Variants in CDIN1 observed in about 807,000 individuals in gnomAD.
CDIN1 encodes CDAN1-interacting nuclease 1.
A neutral mutation model predicts 45.3 loss-of-function variants in CDIN1; 33 were observed. That is an observed-to-expected ratio of 0.73 (90% CI 0.55 to 0.97). The LOEUF is 0.97. Ranked by LOEUF, CDIN1 falls within the 50% of genes least tolerant of loss-of-function variation. The pLI is 0.00. For synonymous variants in CDIN1, 118 were observed against 124.4 expected (o/e 0.95, Z 0.34); for missense variants, 303 against 339.4 (o/e 0.89, Z 0.84).
At chr15:36,588,133 G>C (rs956230959) in intron 1 of CDIN1, among the ~76,000 whole-genome samples, 2 of 152,318 alleles carry the variant, frequency 1.3e-5, no homozygotes, top group African/African-American at 4.8e-5. Flanking sequence ...ATATGGAACA[G>C]TTGGTTGTAT....
At chr15:36,646,469 T>G (rs538874049) in intron 3 of CDIN1, among the ~76,000 whole-genome samples, 3 of 149,032 alleles carry the variant, frequency 2.0e-5, no homozygotes, top group African/African-American at 7.4e-5. Context: ...CTAGGAGAGA[T>G]CCTCTCTAAA....
At chr15:36,783,497 C>A (rs959523338) in intron 10 of CDIN1, among the ~76,000 whole-genome samples, 1 of 152,060 alleles carries the variant, frequency 6.6e-6, no homozygotes, top group African/African-American at 2.4e-5. Context: ...CTTATTGATA[C>A]CTTTCGCCCA....
intron 10 of CDIN1, among the ~76,000 whole-genome samples, chr15:36,757,556 G>C (rs2053640246): frequency 6.6e-6 from 1 of 152,128 alleles, no homozygotes; most frequent in Non-Finnish European, 1.5e-5. Flanking sequence ...GTTTTAAGTT[G>C]AGCACCGTTC....
At chr15:36,653,628 C>T (rs960730461) in intron 3 of CDIN1, among the ~76,000 whole-genome samples, 2 of 152,076 alleles carry the variant, frequency 1.3e-5, no homozygotes, top group African/African-American at 4.8e-5. Context: ...CACAGGTGTG[C>T]TGACCCACTG....
chr15:36,770,444 T>TGATG (rs1566962390), intron 10 of CDIN1, among the ~76,000 whole-genome samples: 9 of 145,966 alleles, frequency 6.2e-5, no homozygotes, highest in African/African-American at 2.2e-4. Flanking sequence ...TGATGATGAT[T>TGATG]ATTATTATTA....
chr15:36,645,494 TTG>T lies in CDIN1; in HGVS notation c.212+244_212+245del, dbSNP rs57349735. On this transcript the variant is annotated intron_variant, in intron 3 of 10. Coordinates refer to ENST00000566621, the MANE Select transcript of CDIN1 (RefSeq NM_001321759.2). Reference sequence around the variant, plus strand: ...AAGAGTATGGTAAGGCTGTCTTGACTTGTGTGTGTGTGTGTGTGTGTGTGTGT... The same window carrying T: ...AAGAGTATGGTAAGGCTGTCTTGACTTGTGTGTGTGTGTGTGTGTGTGTGT... 0.27 allele frequency among the ~76,000 whole-genome samples: 38,098 copies of T among 143,212 alleles called. 4,910 individuals carry two copies. Among genetic ancestry groups the T allele is most frequent in the Admixed American group, 0.34 (4,818 of 14,252 alleles). 94.0% of individuals were successfully genotyped at this position (143,212 alleles called of 152,430 possible).
At chr15:36,724,019 C>T (rs1053429970) in intron 10 of CDIN1, among the ~76,000 whole-genome samples, 1 of 152,194 alleles carries the variant, frequency 6.6e-6, no homozygotes, top group Non-Finnish European at 1.5e-5. Flanking sequence ...CTCTAATCCA[C>T]ATAACAGTCC....
intron 1 of CDIN1, among the ~76,000 whole-genome samples, chr15:36,631,322 A>G (rs982225247): frequency 2.6e-4 from 40 of 152,174 alleles, no homozygotes; most frequent in African/African-American, 9.7e-4. Flanking sequence ...GGTTTTTAGT[A>G]TATTCACGAA....
chr15:36,690,880 T>A (rs534202939), intron 5 of CDIN1, among the ~76,000 whole-genome samples: 42 of 152,276 alleles, frequency 2.8e-4, no homozygotes, highest in African/African-American at 8.4e-4. Context: ...GGCTGCCACA[T>A]GCCTAGTGAG....
intron 1 of CDIN1, among the ~76,000 whole-genome samples, chr15:36,639,802 A>G (rs777654585): frequency 6.6e-6 from 1 of 152,268 alleles, no homozygotes; most frequent in Middle Eastern, 3.4e-3. Context: ...CAGTCCCCCC[A>G]ACAGATACTG....
chr15:36,754,088 A>T (rs571423866), intron 10 of CDIN1, among the ~76,000 whole-genome samples: 1 of 152,290 alleles, frequency 6.6e-6, no homozygotes, highest in East Asian at 1.9e-4. Context: ...GCCGTTTTGT[A>T]CAGACTTATG....
At chr15:36,619,323 T>G (rs1197729627) in intron 1 of CDIN1, 2 of 671,582 alleles carry the variant, frequency 3.0e-6, no homozygotes, top group Non-Finnish European at 4.5e-6. Context: ...ACTTGAGCTG[T>G]AGCTATATTG....
intron 1 of CDIN1, among the ~76,000 whole-genome samples, chr15:36,616,893 C>G (rs2038919751): frequency 6.6e-6 from 1 of 151,736 alleles, no homozygotes; most frequent in South Asian, 2.1e-4. Context: ...CTACTGCACT[C>G]CAGCTTGGGT....
chr15:36,703,784 C>T (rs1278267485), intron 8 of CDIN1, among the ~76,000 whole-genome samples: 2 of 152,076 alleles, frequency 1.3e-5, no homozygotes, highest in African/African-American at 4.8e-5. Flanking sequence ...ATGCCTCTCT[C>T]CATTGAGATT....
At chr15:36,645,960 A>G (rs2040310315) in intron 3 of CDIN1, among the ~76,000 whole-genome samples, 1 of 55,564 alleles carries the variant, frequency 1.8e-5, no homozygotes, top group Admixed American at 2.3e-4. Flanking sequence ...AACAATATTT[A>G]AAATAGCTCT....
intron 10 of CDIN1, among the ~76,000 whole-genome samples, chr15:36,788,093 TA>T (rs1566973652): frequency 0.016 from 664 of 40,730 alleles, 36 homozygotes; most frequent in African/African-American, 0.026. Context: ...TATATATATA[TA>T]TATATATATA....
chr15:36,675,597 A>G (rs1409828961), intron 5 of CDIN1, among the ~76,000 whole-genome samples: 1 of 152,196 alleles, frequency 6.6e-6, no homozygotes, highest in Non-Finnish European at 1.5e-5. Context: ...GCCTTGCTGA[A>G]AGATTAATTA....
At position 36,808,259 on chromosome 15, in the gene CDIN1, A is replaced by G. The variant is rs372766123; in HGVS notation, c.717-65A>G. The G allele has an allele frequency of 5.7e-6, 9 of 1,588,000 alleles. No homozygotes were observed. In the South Asian group the frequency reaches 1.0e-4, roughly 18 times the overall value. ...ATTTAATCATCTTATCAGTGCCCCAAGGTGACTTTTTTCAAGAGCTCTGTT... is the reference window on the plus strand; with the variant it reads ...ATTTAATCATCTTATCAGTGCCCCAGGGTGACTTTTTTCAAGAGCTCTGTT... On this transcript the variant is annotated intron_variant, in intron 10 of 10. Coordinates refer to ENST00000566621, the MANE Select transcript of CDIN1 (RefSeq NM_001321759.2).
intron 2 of CDIN1, among the ~76,000 whole-genome samples, chr15:36,644,875 C>G (rs547958869): frequency 6.6e-6 from 1 of 152,100 alleles, no homozygotes; most frequent in African/African-American, 2.4e-5. Context: ...GGAATTGAAT[C>G]GAGGGAAAAT....
Sources: gnomAD v4.1 joint callset for allele counts (sites outside exome capture counted in the v4.1 genomes callset) on GRCh38, gnomAD v4.1.1 for gene constraint, MANE v1.5 for transcripts, NCBI Gene and HGNC (gene_info 2026-07-23, HGNC 2026-07-21) for gene names.